The following GMDS variants were observed in gnomAD, a reference collection of about 807,000 sequenced individuals.
GMDS encodes GDP-mannose 4,6 dehydratase.
A neutral mutation model predicts 49.9 loss-of-function variants in GMDS; 20 were observed. That is an observed-to-expected ratio of 0.40 (90% CI 0.28 to 0.58). The LOEUF is 0.58. GMDS is among the 20% of genes least tolerant of loss of function. GMDS has a pLI of 0.42. For synonymous variants in GMDS, 177 were observed against 178.6 expected, an observed-to-expected ratio of 0.99 and a Z score of 0.07; for missense variants, 362 against 481.4, an observed-to-expected ratio of 0.75 and a Z score of 2.32.
At chr6:1,902,038 G>A (rs987053356) in intron 7 of GMDS, among the ~76,000 whole-genome samples, 1 of 152,204 alleles carries the variant, frequency 6.6e-6, no homozygotes, top group Non-Finnish European at 1.5e-5. Flanking sequence ...TAATGGATGC[G>A]AAAATCTGGG....
At chr6:1,837,945 A>T (rs1262225591) in intron 7 of GMDS, among the ~76,000 whole-genome samples, 4 of 152,148 alleles carry the variant, frequency 2.6e-5, no homozygotes, top group Non-Finnish European at 4.4e-5. Flanking sequence ...ACTGCCCACC[A>T]AGTGCTCTGA....
At chr6:1,707,818 C>T (rs906511724) in intron 9 of GMDS, among the ~76,000 whole-genome samples, 3 of 152,284 alleles carry the variant, frequency 2.0e-5, no homozygotes, top group African/African-American at 4.8e-5. Context: ...GGTAACTAGA[C>T]GCAGTTAAAA....
At chr6:1,624,660 C>G (rs1474260851) in intron 9 of GMDS, 120 bp from the exon 10 acceptor site, 1 of 694,696 alleles carries the variant, frequency 1.4e-6, no homozygotes, top group Admixed American at 2.6e-5. Context: ...TCCGGGTTTC[C>G]CTGCTTTCGG....
In GMDS at chr6:2,200,308, G is replaced by A. The variant is rs140650854; in HGVS notation, c.102+45013C>T. On this transcript the variant is annotated intron_variant, in intron 1 of 10. Coordinates refer to ENST00000380815, the MANE Select transcript of GMDS (RefSeq NM_001500.4). Reference sequence around the variant, plus strand: ...GAAGATGACATGTTAGCAGAGAGGCGAAGGATGAAGACAGAACACCACATG... The same window carrying A: ...GAAGATGACATGTTAGCAGAGAGGCAAAGGATGAAGACAGAACACCACATG... Among the ~76,000 whole-genome samples the A allele has an allele frequency of 1.4e-3, 216 of 152,218 alleles. 1 individual carries two copies. The East Asian group carries it at 0.023, about 16-fold the overall frequency.
intron 4 of GMDS, among the ~76,000 whole-genome samples, chr6:2,069,141 A>T (rs1425009967): frequency 2.0e-5 from 3 of 152,206 alleles, no homozygotes; most frequent in Admixed American, 1.3e-4. Context: ...ATCTTTGACA[A>T]ACCTGAGAAA....
intron 7 of GMDS, among the ~76,000 whole-genome samples, chr6:1,748,843 T>C (rs1020513875): frequency 5.3e-5 from 8 of 152,276 alleles, no homozygotes; most frequent in Non-Finnish European, 8.8e-5. Flanking sequence ...ACCCAAGCTC[T>C]AGCTGCTAAT....
intron 7 of GMDS, among the ~76,000 whole-genome samples, chr6:1,752,738 C>G (rs1767782622): frequency 6.6e-6 from 1 of 152,146 alleles, no homozygotes; most frequent in East Asian, 1.9e-4. Context: ...ATTCAACATT[C>G]TTAAATAAAA....
chr6:1,685,947 A>G (rs1390530957), intron 9 of GMDS, among the ~76,000 whole-genome samples: 1 of 152,210 alleles, frequency 6.6e-6, no homozygotes, highest in Non-Finnish European at 1.5e-5. Flanking sequence ...ATAGACGTGC[A>G]TGCCCGAATC....
chr6:2,011,377 A>G (rs1767548184), intron 4 of GMDS, among the ~76,000 whole-genome samples: 1 of 152,142 alleles, frequency 6.6e-6, no homozygotes, highest in Non-Finnish European at 1.5e-5. Context: ...CTTATATGAA[A>G]AACAGTATAG....
intron 1 of GMDS, among the ~76,000 whole-genome samples, chr6:2,144,540 G>C (rs944153032): frequency 1.3e-5 from 2 of 152,170 alleles, no homozygotes; most frequent in African/African-American, 4.8e-5. Context: ...ACCTAGCCTT[G>C]AATGATGTAA....
intron 1 of GMDS, among the ~76,000 whole-genome samples, chr6:2,207,150 G>T (rs891823951): frequency 2.0e-5 from 3 of 152,138 alleles, no homozygotes; most frequent in African/African-American, 7.2e-5. Flanking sequence ...TGATTACGGG[G>T]TCAACAATAA....
intron 8 of GMDS, among the ~76,000 whole-genome samples, chr6:1,737,818 CCA>C (rs1187814427): frequency 9.9e-6 from 1 of 100,640 alleles, no homozygotes; most frequent in Non-Finnish European, 1.9e-5. Context: ...TACACACACA[CCA>C]CAAAGACACA....
intron 9 of GMDS, among the ~76,000 whole-genome samples, chr6:1,675,783 G>A (rs1764601637): frequency 2.0e-5 from 3 of 151,654 alleles, no homozygotes; most frequent in African/African-American, 7.3e-5. Flanking sequence ...AACTCGGGAG[G>A]TGGAGGTTGC....
At chr6:1,700,606 T>A (rs1053290628) in intron 9 of GMDS, among the ~76,000 whole-genome samples, 10 of 152,166 alleles carry the variant, frequency 6.6e-5, no homozygotes, top group African/African-American at 2.4e-4. Context: ...TAAAACAGGA[T>A]GAACCGAAGT....
intron 1 of GMDS, among the ~76,000 whole-genome samples, chr6:2,151,115 C>A (rs1021949704): frequency 6.6e-6 from 1 of 151,990 alleles, no homozygotes; most frequent in Non-Finnish European, 1.5e-5. Flanking sequence ...TTTGCTAGCA[C>A]AACAGGGAGA....
At chr6:1,713,248 A>C (rs1260440407) in intron 9 of GMDS, among the ~76,000 whole-genome samples, 1 of 152,250 alleles carries the variant, frequency 6.6e-6, no homozygotes, top group Non-Finnish European at 1.5e-5. Flanking sequence ...TCCCTTGGCC[A>C]CTGCGGTCCC....
chr6:2,135,871 G>T (rs9503104), intron 1 of GMDS, among the ~76,000 whole-genome samples: 16,724 of 152,050 alleles, frequency 0.11, 3,040 homozygotes, highest in African/African-American at 0.38. Context: ...TCATATTAAA[G>T]TCTCCAAAAT....
At chr6:2,111,588 G>A (rs1377328604) in intron 4 of GMDS, among the ~76,000 whole-genome samples, 1 of 152,088 alleles carries the variant, frequency 6.6e-6, no homozygotes, top group Non-Finnish European at 1.5e-5. Context: ...CAAGTTAACT[G>A]GAAGTGAGAG....
Position 1,866,646 on chromosome 6 carries a change from T to A in GMDS, c.771+63457A>T, listed in dbSNP as rs75750520. Among the ~76,000 whole-genome samples the A allele has an allele frequency of 5.9e-3, 903 of 152,326 alleles. 9 individuals are homozygous for A. Among genetic ancestry groups the A allele is most frequent in the African/African-American group, 0.02 (850 of 41,564 alleles). On this transcript the variant is annotated intron_variant, in intron 7 of 10. Coordinates refer to ENST00000380815, the MANE Select transcript of GMDS (RefSeq NM_001500.4). ...ACCTTTACAAATGTAGTAGTTACAA[T>A]ATAAAAGTTTTATTTTTAAAAAAGG...
Sources: gnomAD v4.1 joint callset for allele counts (sites outside exome capture counted in the v4.1 genomes callset) on GRCh38, gnomAD v4.1.1 for gene constraint, MANE v1.5 for transcripts, NCBI Gene and HGNC (gene_info 2026-07-23, HGNC 2026-07-21) for gene names.